Variants in PTPRN2 observed in about 807,000 individuals in gnomAD.
PTPRN2 encodes the protein protein tyrosine phosphatase receptor type N2.
A neutral mutation model predicts 118.8 loss-of-function variants in PTPRN2; 74 were observed. The observed-to-expected ratio is 0.62, with a 90% CI of 0.52 to 0.76. The LOEUF is 0.76. PTPRN2 is among the 30% of genes least tolerant of loss of function. The pLI is 0.00. For synonymous variants in PTPRN2, 641 were observed against 608.0 expected (o/e 1.05, Z -0.80); for missense variants, 1,481 against 1,394.4 (o/e 1.06, Z -0.99).
intron 2 of PTPRN2, among the ~76,000 whole-genome samples, chr7:158,394,133 C>T (rs58386485): frequency 2.3e-3 from 346 of 150,738 alleles, no homozygotes; most frequent in African/African-American, 7.9e-3. Flanking sequence ...CTGTCCCCCA[C>T]GGACACCTCA....
At chr7:157,965,471 G>A (rs1801859250) in intron 11 of PTPRN2, among the ~76,000 whole-genome samples, 1 of 152,032 alleles carries the variant, frequency 6.6e-6, no homozygotes, top group Non-Finnish European at 1.5e-5. Context: ...CACAGCTGAG[G>A]GGGTGAAGCA....
chr7:157,664,189 C>T (rs897715130), intron 13 of PTPRN2, among the ~76,000 whole-genome samples: 5 of 152,228 alleles, frequency 3.3e-5, no homozygotes, highest in African/African-American at 9.7e-5. Context: ...GTCGCATCCA[C>T]GGTGCTGAAC....
chr7:158,140,802 T>C (rs1443660572), intron 6 of PTPRN2, among the ~76,000 whole-genome samples: 2 of 152,186 alleles, frequency 1.3e-5, no homozygotes, highest in Admixed American at 6.5e-5. Context: ...TCGCCGTGTG[T>C]ATACTCCCCC....
intron 12 of PTPRN2, among the ~76,000 whole-genome samples, chr7:157,876,911 C>T (rs1007646486): frequency 3.3e-5 from 5 of 152,222 alleles, no homozygotes; most frequent in South Asian, 2.1e-4. Context: ...TCCAGGAGGA[C>T]GACGTTCTGA....
intron 2 of PTPRN2, among the ~76,000 whole-genome samples, chr7:158,436,840 T>A (rs564973352): frequency 6.6e-6 from 1 of 152,312 alleles, no homozygotes; most frequent in South Asian, 2.1e-4. Flanking sequence ...TAAACTTTGG[T>A]TTTTACTAAT....
At chr7:158,040,509 A>T (rs1342473913) in intron 11 of PTPRN2, among the ~76,000 whole-genome samples, 1 of 152,214 alleles carries the variant, frequency 6.6e-6, no homozygotes, top group Non-Finnish European at 1.5e-5. Context: ...GAAAAACCTT[A>T]CCTTACCCAT....
chr7:158,459,792 C>T (rs1283199703), intron 2 of PTPRN2, among the ~76,000 whole-genome samples: 1 of 150,830 alleles, frequency 6.6e-6, no homozygotes, highest in South Asian at 2.1e-4. Flanking sequence ...CTACATGCTC[C>T]TCCTAGAGGG....
intron 1 of PTPRN2, among the ~76,000 whole-genome samples, chr7:158,491,229 G>A (rs1485237148): frequency 2.0e-5 from 3 of 152,218 alleles, no homozygotes; most frequent in Non-Finnish European, 2.9e-5. Context: ...AGCCTCGCTC[G>A]TCTCACAACA....
At chr7:157,588,278 GC>G (rs1800787461) in intron 17 of PTPRN2, among the ~76,000 whole-genome samples, 2 of 152,348 alleles carry the variant, frequency 1.3e-5, no homozygotes, top group South Asian at 4.1e-4. Context: ...ATGGCGGGTG[GC>G]CAACTCCCTT....
At chr7:158,073,647 C>T (rs1812116342) in intron 11 of PTPRN2, among the ~76,000 whole-genome samples, 1 of 150,172 alleles carries the variant, frequency 6.7e-6, no homozygotes. Flanking sequence ...CCGCTTCCTA[C>T]TAAGGTATAA....
chr7:158,076,231 T>A (rs981160179), intron 11 of PTPRN2, among the ~76,000 whole-genome samples: 1 of 152,196 alleles, frequency 6.6e-6, no homozygotes, highest in Non-Finnish European at 1.5e-5. Flanking sequence ...TGCTCCAATC[T>A]CTTAATCATG....
At chr7:157,728,829 A>C (rs1179852410) in intron 12 of PTPRN2, among the ~76,000 whole-genome samples, 2 of 152,272 alleles carry the variant, frequency 1.3e-5, no homozygotes, top group African/African-American at 4.8e-5. Flanking sequence ...CAGAACCTCA[A>C]ATCCCCCAGA....
chr7:158,567,766 C>A (rs926952157), intron 1 of PTPRN2, among the ~76,000 whole-genome samples: 1 of 152,040 alleles, frequency 6.6e-6, no homozygotes, highest in Non-Finnish European at 1.5e-5. Context: ...GGGGCTGCAC[C>A]CCCCCACACC....
intron 17 of PTPRN2, among the ~76,000 whole-genome samples, chr7:157,594,774 C>G (rs150804741): frequency 5.3e-5 from 8 of 152,224 alleles, no homozygotes; most frequent in African/African-American, 1.9e-4. Context: ...TCAGCCCTCA[C>G]GTCTGTGCCT....
rs556320882 is a variant in PTPRN2 at position 157,766,213 on chromosome 7, A to G, written c.1789-83276T>C. On this transcript the variant is annotated intron_variant, in intron 12 of 22. Transcript: ENST00000389418. ...CATCCATCCATCCATCCATCCATCC[A>G]CCCACACACCCATCCATCCATCCAA... 3.0e-5 allele frequency among the ~76,000 whole-genome samples: 4 copies of G among 134,568 alleles called. No individual in the cohort carries two copies. The South Asian group carries it at 7.6e-4, about 26-fold the overall frequency. 88.3% of individuals were successfully genotyped at this position (134,568 alleles called of 152,430 possible). A position where few individuals can be genotyped will look rare whatever the true frequency, so the allele number is the denominator to read the frequency against.
intron 2 of PTPRN2, among the ~76,000 whole-genome samples, chr7:158,421,165 G>A (rs1388635174): frequency 6.6e-6 from 1 of 152,130 alleles, no homozygotes; most frequent in Admixed American, 6.5e-5. Context: ...ACCCCTTGTT[G>A]CTCCCATTCT....
intron 2 of PTPRN2, among the ~76,000 whole-genome samples, chr7:158,366,243 CGCGT>C: frequency 2.0e-5 from 3 of 146,522 alleles, no homozygotes; most frequent in African/African-American, 2.6e-5. Flanking sequence ...GCCCAATGCA[CGCGT>C]GCACATGCAC....
chr7:158,179,418 T>C (rs892540538), intron 5 of PTPRN2, among the ~76,000 whole-genome samples: 1 of 152,218 alleles, frequency 6.6e-6, no homozygotes, highest in Non-Finnish European at 1.5e-5. Flanking sequence ...GTCAGATGCA[T>C]AGTTTGCAAA....
chr7:157,805,737 C>T (rs760306720), intron 12 of PTPRN2, among the ~76,000 whole-genome samples: 3 of 152,074 alleles, frequency 2.0e-5, no homozygotes, highest in Non-Finnish European at 4.4e-5. Context: ...TAAGACCAGG[C>T]AGTGTTTTGC....
Sources: allele counts gnomAD v4.1 joint callset (sites outside exome capture counted in the v4.1 genomes callset), GRCh38; gene constraint gnomAD v4.1.1; transcripts MANE v1.5; gene names NCBI Gene and HGNC (gene_info 2026-07-23, HGNC 2026-07-21).